Variants in ALK observed in about 807,000 individuals in gnomAD.
ALK encodes the protein ALK receptor tyrosine kinase, also known as ALK tyrosine kinase receptor.
ALK carries 74 observed loss-of-function variants against 163.1 expected under a neutral mutation model. The observed-to-expected ratio is 0.45, with a 90% CI of 0.38 to 0.55. The LOEUF (loss-of-function observed/expected upper bound fraction) is 0.55. Among genes scored for constraint, ALK ranks in the 20% least tolerant of loss-of-function variants. The pLI, the probability that ALK is intolerant of heterozygous loss-of-function variation, is 0.00. For missense variants in ALK, 2,063 were observed against 2,105.3 expected (o/e 0.98, Z 0.39); for synonymous variants, 960 against 843.2 (o/e 1.14, Z -2.40).
At chr2:29,768,713 C>CTGTGTG (rs1553359129) in intron 1 of ALK, among the ~76,000 whole-genome samples, 11 of 142,862 alleles carry the variant, frequency 7.7e-5, no homozygotes, top group Non-Finnish European at 1.4e-4. Context: ...TTATATATGT[C>CTGTGTG]TGTGTGTGTG....
In ALK at chr2:29,328,338, C is replaced by G; in HGVS notation, c.1414+12G>C. 3.1e-6 allele frequency: 5 copies of G among 1,614,090 alleles called. No individual in the cohort carries two copies. The highest frequency in any genetic ancestry group is 4.2e-6 in the Non-Finnish European group (5 of 1,179,984). On this transcript the variant is annotated intron_variant, in intron 6 of 28. Coordinates refer to ENST00000389048, the MANE Select transcript of ALK (RefSeq NM_004304.5). ...TGGGCTCAGGCAGGGTGGGGCAGCC[C>G]CATCTACTCACGGCACATCTGGCTC...
chr2:29,786,556 A>C (rs373325797), intron 1 of ALK, among the ~76,000 whole-genome samples: 28 of 152,078 alleles, frequency 1.8e-4, no homozygotes, highest in African/African-American at 6.3e-4. Flanking sequence ...CCACGTGGCC[A>C]CTCCCTCAGT....
At chr2:29,796,928 T>C (rs1225057902) in intron 1 of ALK, among the ~76,000 whole-genome samples, 3 of 151,642 alleles carry the variant, frequency 2.0e-5, no homozygotes, top group Non-Finnish European at 2.9e-5. Flanking sequence ...TACTATCAAA[T>C]GGCTCAATGA....
chr2:29,351,718 G>A (rs1290767228), intron 5 of ALK, among the ~76,000 whole-genome samples: 2 of 152,200 alleles, frequency 1.3e-5, no homozygotes, highest in Non-Finnish European at 2.9e-5. Flanking sequence ...GGCTGGAGAG[G>A]CTAATGTGGG....
intron 18 of ALK, among the ~76,000 whole-genome samples, chr2:29,226,211 G>A (rs1339215615): frequency 6.6e-6 from 1 of 151,986 alleles, no homozygotes; most frequent in Non-Finnish European, 1.5e-5. Flanking sequence ...AGGTGCGGTG[G>A]CTCACACCTG....
intron 3 of ALK, among the ~76,000 whole-genome samples, chr2:29,602,990 G>A (rs961138394): frequency 2.0e-5 from 3 of 152,200 alleles, no homozygotes; most frequent in Admixed American, 2.0e-4. Context: ...GTCTGGAAAG[G>A]CAGGACAACT....
At chr2:29,212,710 CT>C (rs59049700) in intron 24 of ALK, among the ~76,000 whole-genome samples, 3 of 150,472 alleles carry the variant, frequency 2.0e-5, no homozygotes, top group South Asian at 2.1e-4. Flanking sequence ...TTTGTTTTTT[CT>C]TTTTTTTTCT....
intron 4 of ALK, among the ~76,000 whole-genome samples, chr2:29,416,392 T>C (rs1450033875): frequency 6.6e-6 from 1 of 152,244 alleles, no homozygotes; most frequent in Non-Finnish European, 1.5e-5. Context: ...TTCAAGTGCC[T>C]CACTCATGAT....
chr2:29,589,469 T>C (rs1357642147), intron 3 of ALK, among the ~76,000 whole-genome samples: 4 of 152,166 alleles, frequency 2.6e-5, no homozygotes, highest in Non-Finnish European at 5.9e-5. Context: ...TGTACAGTGA[T>C]GAAATCGAGG....
At chr2:29,876,661 G>GGTGA (rs879549358) in intron 1 of ALK, among the ~76,000 whole-genome samples, 1 of 148,176 alleles carries the variant, frequency 6.7e-6, no homozygotes, top group Non-Finnish European at 1.5e-5. Context: ...GACGGCGATG[G>GGTGA]TGGTGATGAT....
At chr2:29,769,764 G>C (rs1680965606) in intron 1 of ALK, among the ~76,000 whole-genome samples, 1 of 152,174 alleles carries the variant, frequency 6.6e-6, no homozygotes, top group African/African-American at 2.4e-5. Flanking sequence ...GGAGGAAAGG[G>C]GGCATTAATG....
At chr2:29,198,001 A>C (rs1171698213) in intron 26 of ALK, among the ~76,000 whole-genome samples, 6 of 152,194 alleles carry the variant, frequency 3.9e-5, no homozygotes, top group African/African-American at 1.2e-4. Context: ...TTTCCATGCC[A>C]GTCCATTTCA....
chr2:29,637,595 A>G (rs1213317578), intron 3 of ALK, among the ~76,000 whole-genome samples: 1 of 151,214 alleles, frequency 6.6e-6, no homozygotes, highest in East Asian at 2.0e-4. Context: ...TGTAATACCA[A>G]CTACTTGGGA....
At chr2:29,831,141 A>AAGGGGAAG (rs1665391765) in intron 1 of ALK, among the ~76,000 whole-genome samples, 3 of 55,408 alleles carry the variant, frequency 5.4e-5, no homozygotes, top group African/African-American at 1.9e-4. Context: ...GAAGGGGAAG[A>AAGGGGAAG]AGGGGAAGAA....
At chr2:29,399,589 C>T (rs1160489539) in intron 4 of ALK, among the ~76,000 whole-genome samples, 1 of 152,216 alleles carries the variant, frequency 6.6e-6, no homozygotes, top group Non-Finnish European at 1.5e-5. Flanking sequence ...TAGGCTGGCA[C>T]TCCCTTATCC....
chr2:29,224,837 A>G (rs926653732), intron 19 of ALK: 1 of 215,814 alleles, frequency 4.6e-6, no homozygotes, highest in Admixed American at 5.7e-5. Flanking sequence ...CTTTGCCTGC[A>G]GGGGCCTGGC....
chr2:29,400,831 C>A (rs183902440), intron 4 of ALK, among the ~76,000 whole-genome samples: 177 of 152,184 alleles, frequency 1.2e-3, no homozygotes, highest in Non-Finnish European at 2.1e-3. Context: ...AAAGATTAGC[C>A]AGGCATGGTG....
chr2:29,213,102 T>C (rs1482080281), intron 24 of ALK, among the ~76,000 whole-genome samples: 1 of 152,274 alleles, frequency 6.6e-6, no homozygotes, highest in African/African-American at 2.4e-5. Context: ...TAATAAATTA[T>C]TGTGAGTTCA....
chr2:29,300,404 C>T (rs902415680), intron 8 of ALK, among the ~76,000 whole-genome samples: 2 of 151,958 alleles, frequency 1.3e-5, no homozygotes, highest in Non-Finnish European at 2.9e-5. Context: ...CAAAAATTAG[C>T]CAGGTGTGGT....
Sources: gnomAD v4.1 joint callset for allele counts (sites outside exome capture counted in the v4.1 genomes callset) on GRCh38, gnomAD v4.1.1 for gene constraint, MANE v1.5 for transcripts, NCBI Gene and HGNC (gene_info 2026-07-23, HGNC 2026-07-21) for gene names.